Variants in NRG3 observed in about 807,000 individuals in gnomAD.
The protein encoded by NRG3 is pro-neuregulin-3, membrane-bound isoform.
NRG3 carries 31 observed loss-of-function variants against 66.9 expected under a neutral mutation model. That is an observed-to-expected ratio of 0.46 (90% CI 0.35 to 0.63). The LOEUF (loss-of-function observed/expected upper bound fraction) is 0.63. Among genes scored for constraint, NRG3 ranks in the 20% least tolerant of loss-of-function variants. The pLI is 0.00. For synonymous variants in NRG3, 393 were observed against 359.4 expected (o/e 1.09, Z -1.06); for missense variants, 910 against 878.9 (o/e 1.04, Z -0.45).
intron 2 of NRG3, among the ~76,000 whole-genome samples, chr10:82,683,570 A>G (rs145719564): frequency 1.7e-3 from 252 of 152,318 alleles, no homozygotes; most frequent in Middle Eastern, 3.4e-3. Context: ...TTAAGATAAT[A>G]TTAAAGAAAT....
At chr10:82,368,486 T>C (rs1212143407) in intron 2 of NRG3, among the ~76,000 whole-genome samples, 3 of 138,506 alleles carry the variant, frequency 2.2e-5, no homozygotes, top group Non-Finnish European at 4.4e-5. Flanking sequence ...GTTAGGGGAA[T>C]GCTCCCTTTT....
chr10:82,239,023 T>C (rs986822567), intron 1 of NRG3, among the ~76,000 whole-genome samples: 5 of 145,534 alleles, frequency 3.4e-5, no homozygotes, highest in African/African-American at 1.3e-4. Flanking sequence ...TATCTATAGG[T>C]TTACATCTTA....
chr10:82,430,305 T>C lies in NRG3; in HGVS notation c.953+71437T>C, dbSNP rs539914284. Reference sequence around the variant, plus strand: ...TGGAGTCTCGCTCTGTCACCCAGGCTGGAGTGCAGTGGCGCCATCTCGGCT... The same window carrying C: ...TGGAGTCTCGCTCTGTCACCCAGGCCGGAGTGCAGTGGCGCCATCTCGGCT... On this transcript the variant is annotated intron_variant, in intron 2 of 8. Coordinates refer to ENST00000372141, the MANE Select transcript of NRG3 (RefSeq NM_001010848.4). Among the ~76,000 whole-genome samples, 172 of 152,262 alleles carry C rather than the reference T, an allele frequency of 1.1e-3. 1 individual carries two copies. Among genetic ancestry groups the C allele is most frequent in the African/African-American group, 3.8e-3 (157 of 41,562 alleles).
At chr10:82,557,841 T>C (rs1163866239) in intron 2 of NRG3, among the ~76,000 whole-genome samples, 1 of 152,120 alleles carries the variant, frequency 6.6e-6, no homozygotes, top group African/African-American at 2.4e-5. Context: ...TGAGGTGAAG[T>C]AAGTTTCCCA....
intron 4 of NRG3, among the ~76,000 whole-genome samples, chr10:82,890,000 T>C (rs1843009017): frequency 6.6e-6 from 1 of 152,178 alleles, no homozygotes; most frequent in Admixed American, 6.5e-5. Context: ...ACTTCTATTC[T>C]GAGACTGGTG....
intron 4 of NRG3, among the ~76,000 whole-genome samples, chr10:82,947,316 T>G (rs1849115991): frequency 6.6e-6 from 1 of 152,186 alleles, no homozygotes; most frequent in East Asian, 1.9e-4. Context: ...GAGTACTATT[T>G]CATTATATAG....
chr10:82,146,702 G>T (rs981107698), intron 1 of NRG3, among the ~76,000 whole-genome samples: 1 of 152,144 alleles, frequency 6.6e-6, no homozygotes, highest in Admixed American at 6.6e-5. Context: ...ATGGAAGGAG[G>T]TGGGAAGTGG....
intron 1 of NRG3, among the ~76,000 whole-genome samples, chr10:82,200,745 T>C (rs940134403): frequency 1.5e-4 from 23 of 152,252 alleles, no homozygotes; most frequent in African/African-American, 4.8e-4. Context: ...CTTTATCCTC[T>C]GAAGTAAAGC....
At chr10:81,896,262 G>T (rs931775346) in intron 1 of NRG3, among the ~76,000 whole-genome samples, 1 of 152,152 alleles carries the variant, frequency 6.6e-6, no homozygotes, top group East Asian at 1.9e-4. Flanking sequence ...AAACTGAGTT[G>T]TATGTCAATC....
chr10:81,943,416 T>C (rs2133115422), intron 1 of NRG3, among the ~76,000 whole-genome samples: 1 of 152,308 alleles, frequency 6.6e-6, no homozygotes, highest in Non-Finnish European at 1.5e-5. Flanking sequence ...GTATGTGCCA[T>C]CTTTAACAAT....
intron 4 of NRG3, among the ~76,000 whole-genome samples, chr10:82,893,341 T>G (rs1843337710): frequency 6.6e-6 from 1 of 152,232 alleles, no homozygotes; most frequent in Non-Finnish European, 1.5e-5. Context: ...AACATATTTA[T>G]AGTTAATTCT....
intron 1 of NRG3, among the ~76,000 whole-genome samples, chr10:82,101,174 C>G (rs1171589306): frequency 2.0e-5 from 3 of 151,504 alleles, no homozygotes; most frequent in African/African-American, 4.8e-5. Context: ...AGTGGTGTTC[C>G]TTTTGTATTC....
intron 1 of NRG3, among the ~76,000 whole-genome samples, chr10:81,996,771 G>T (rs887489801): frequency 6.6e-6 from 1 of 151,980 alleles, no homozygotes; most frequent in African/African-American, 2.4e-5. Flanking sequence ...TGCTGTGTGG[G>T]TGGGCCTGTG....
chr10:82,580,395 G>A (rs573805805), intron 2 of NRG3, among the ~76,000 whole-genome samples: 1 of 151,752 alleles, frequency 6.6e-6, no homozygotes, highest in Admixed American at 6.6e-5. Flanking sequence ...AACAAATATG[G>A]AAATATTATT....
At chr10:82,335,358 A>G (rs1209937279) in intron 1 of NRG3, among the ~76,000 whole-genome samples, 1 of 152,170 alleles carries the variant, frequency 6.6e-6, no homozygotes, top group Non-Finnish European at 1.5e-5. Context: ...ACTATATTAG[A>G]CAACCTAGGA....
intron 3 of NRG3, among the ~76,000 whole-genome samples, chr10:82,805,129 A>G (rs1440046070): frequency 2.0e-5 from 3 of 152,218 alleles, no homozygotes; most frequent in African/African-American, 7.2e-5. Flanking sequence ...AGGTTGGGGA[A>G]GAGGCTGGAG....
chr10:82,011,334 C>A (rs189188933), intron 1 of NRG3, among the ~76,000 whole-genome samples: 1 of 152,092 alleles, frequency 6.6e-6, no homozygotes, highest in Non-Finnish European at 1.5e-5. Flanking sequence ...ACCCACGCAG[C>A]GATTAAGTTA....
At chr10:82,803,598 C>T (rs547475051) in intron 3 of NRG3, among the ~76,000 whole-genome samples, 4 of 152,214 alleles carry the variant, frequency 2.6e-5, no homozygotes, top group African/African-American at 9.6e-5. Context: ...ATGAGAGAAT[C>T]AGAATCTCTT....
At chr10:82,234,071 G>A (rs967081584) in intron 1 of NRG3, among the ~76,000 whole-genome samples, 6 of 152,170 alleles carry the variant, frequency 3.9e-5, no homozygotes, top group South Asian at 2.1e-4. Context: ...ATCACTCCCC[G>A]GCTCAAAACC....
Sources: allele counts gnomAD v4.1 joint callset (sites outside exome capture counted in the v4.1 genomes callset), GRCh38; gene constraint gnomAD v4.1.1; transcripts MANE v1.5; gene names NCBI Gene and HGNC (gene_info 2026-07-23, HGNC 2026-07-21).